Variants in CALN1 observed in about 807,000 individuals in gnomAD.
CALN1 encodes the protein calneuron 1.
Under a neutral mutation model 30.6 loss-of-function variants are expected in CALN1, and 17 were observed. The observed-to-expected ratio is 0.56, with a 90% CI of 0.38 to 0.83. CALN1 has a LOEUF of 0.83. CALN1 is among the 40% of genes least tolerant of loss of function. The pLI, the probability that CALN1 is intolerant of heterozygous loss-of-function variation, is 0.00. For missense variants in CALN1, 291 were observed against 354.9 expected, an observed-to-expected ratio of 0.82 and a Z score of 1.45; for synonymous variants, 156 against 131.4, an observed-to-expected ratio of 1.19 and a Z score of -1.28.
chr7:72,227,265 AGTG>A (rs1793752858), intron 3 of CALN1, among the ~76,000 whole-genome samples: 1 of 150,366 alleles, frequency 6.7e-6, no homozygotes, highest in Admixed American at 6.6e-5. Context: ...GGCAGCCGGG[AGTG>A]GTGGCCTACG....
At chr7:72,292,572 G>A (rs913821680) in intron 2 of CALN1, among the ~76,000 whole-genome samples, 12 of 151,408 alleles carry the variant, frequency 7.9e-5, no homozygotes, top group African/African-American at 2.9e-4. Context: ...TGTAATCCCA[G>A]CACTTTGGGA....
chr7:72,054,398 T>C (rs1803043753), intron 4 of CALN1, among the ~76,000 whole-genome samples: 1 of 58,086 alleles, frequency 1.7e-5, no homozygotes, highest in East Asian at 7.1e-3. Flanking sequence ...GCTGCATATA[T>C]GTACATATAT....
intron 3 of CALN1, among the ~76,000 whole-genome samples, chr7:72,143,770 T>A (rs199802969): frequency 0.013 from 1,924 of 152,232 alleles, 41 homozygotes; most frequent in African/African-American, 0.044. Flanking sequence ...GACTAACAGC[T>A]GATCTCTCGG....
intron 5 of CALN1, among the ~76,000 whole-genome samples, chr7:71,990,201 CTCA>C (rs1798874800): frequency 6.6e-6 from 1 of 152,124 alleles, no homozygotes; most frequent in Non-Finnish European, 1.5e-5. Context: ...GTCCTCACTG[CTCA>C]TCATATGCTA....
intron 3 of CALN1, among the ~76,000 whole-genome samples, chr7:72,270,483 A>G (rs1382331026): frequency 6.6e-6 from 1 of 152,232 alleles, no homozygotes; most frequent in Non-Finnish European, 1.5e-5. Context: ...AAGTTTTAAT[A>G]AGCCAAGGCT....
chr7:72,389,854 G>C (rs1805465082), intron 2 of CALN1, among the ~76,000 whole-genome samples: 1 of 151,762 alleles, frequency 6.6e-6, no homozygotes, highest in Non-Finnish European at 1.5e-5. Context: ...GGGAGGCGGA[G>C]GTTGCAGTGA....
intron 5 of CALN1, among the ~76,000 whole-genome samples, chr7:71,847,429 C>T (rs1790327803): frequency 1.3e-5 from 2 of 151,896 alleles, no homozygotes; most frequent in Admixed American, 1.3e-4. Context: ...GTGGGTGGAT[C>T]ACCTGAGGTC....
chr7:72,114,780 G>A (rs1322075459), intron 3 of CALN1, among the ~76,000 whole-genome samples: 1 of 151,978 alleles, frequency 6.6e-6, no homozygotes, highest in Non-Finnish European at 1.5e-5. Flanking sequence ...GATCACCTGA[G>A]GTCAGGAGTT....
intron 5 of CALN1, among the ~76,000 whole-genome samples, chr7:71,946,738 CCTT>C (rs1422448381): frequency 3.4e-4 from 52 of 152,128 alleles, no homozygotes; most frequent in African/African-American, 1.2e-3. Context: ...CTTTTTTCCT[CCTT>C]GAGATGGAAA....
intron 5 of CALN1, among the ~76,000 whole-genome samples, chr7:71,932,092 C>A (rs183059839): frequency 6.6e-6 from 1 of 152,148 alleles, no homozygotes; most frequent in African/African-American, 2.4e-5. Flanking sequence ...TGGAGGTAGC[C>A]GCCTTGGAGT....
chr7:72,426,053 AC>A (rs1022531746), intron 1 of CALN1, among the ~76,000 whole-genome samples: 108 of 152,306 alleles, frequency 7.1e-4, no homozygotes, highest in African/African-American at 2.5e-3. Context: ...GTGTGCTGGC[AC>A]CTAGGCTTAG....
At chr7:72,177,827 C>G (rs969897475) in intron 3 of CALN1, among the ~76,000 whole-genome samples, 6 of 151,928 alleles carry the variant, frequency 3.9e-5, no homozygotes, top group African/African-American at 1.5e-4. Context: ...CTCCAGGGAC[C>G]ATGGCAACCA....
chr7:72,355,802 C>T (rs914629381), intron 2 of CALN1, among the ~76,000 whole-genome samples: 5 of 152,006 alleles, frequency 3.3e-5, no homozygotes, highest in Non-Finnish European at 7.4e-5. Flanking sequence ...CATCAGAGTA[C>T]AAGGGCACAG....
At chr7:71,941,841 T>A (rs903223820) in intron 5 of CALN1, among the ~76,000 whole-genome samples, 1 of 152,066 alleles carries the variant, frequency 6.6e-6, no homozygotes. Context: ...GTGAGAATGT[T>A]TATTAGAATG....
At chr7:72,191,139 G>A (rs367875629) in intron 3 of CALN1, among the ~76,000 whole-genome samples, 147 of 152,350 alleles carry the variant, frequency 9.6e-4, no homozygotes, top group African/African-American at 3.4e-3. Context: ...CCGCTGTAAT[G>A]AAGGATAGAA....
the CALN1 span, among the ~76,000 whole-genome samples, chr7:72,454,139 T>C: frequency 1.2e-4 from 18 of 152,172 alleles, no homozygotes; most frequent in South Asian, 1.5e-3. Context: ...TAGAACTTGG[T>C]TAGTGTAGGT....
chr7:71,924,574 C>A (rs558453323), intron 5 of CALN1, among the ~76,000 whole-genome samples: 1 of 152,178 alleles, frequency 6.6e-6, no homozygotes, highest in South Asian at 2.1e-4. Context: ...AAAACAATAT[C>A]TGAGGTTTGT....
intron 3 of CALN1, among the ~76,000 whole-genome samples, chr7:72,107,949 C>T (rs1171545098): frequency 9.2e-5 from 14 of 152,156 alleles, no homozygotes; most frequent in South Asian, 2.1e-4. Flanking sequence ...TACTTACTAC[C>T]GCACTGAATA....
At chr7:72,061,510 A>C (rs1409787632) in intron 4 of CALN1, among the ~76,000 whole-genome samples, 1 of 151,904 alleles carries the variant, frequency 6.6e-6, no homozygotes, top group East Asian at 1.9e-4. Flanking sequence ...TACAATGAAA[A>C]TTTCAGAACT....
Sources: gnomAD v4.1 joint callset for allele counts (sites outside exome capture counted in the v4.1 genomes callset) on GRCh38, gnomAD v4.1.1 for gene constraint, MANE v1.5 for transcripts, NCBI Gene and HGNC (gene_info 2026-07-23, HGNC 2026-07-21) for gene names.